Variants in CRACR2A observed in about 807,000 individuals in gnomAD.
CRACR2A encodes the protein EF-hand calcium-binding domain-containing protein 4B.
CRACR2A carries 79 observed loss-of-function variants against 90.5 expected under a neutral mutation model. The observed-to-expected ratio is 0.87, with a 90% CI of 0.73 to 1.05. The LOEUF is 1.05. CRACR2A is among the 50% of genes least tolerant of loss of function. The pLI, the probability that CRACR2A is intolerant of heterozygous loss-of-function variation, is 0.00. For synonymous variants in CRACR2A, 338 were observed against 356.7 expected, an observed-to-expected ratio of 0.95 and a Z score of 0.59; for missense variants, 823 against 897.2, an observed-to-expected ratio of 0.92 and a Z score of 1.06.
At chr12:3,659,715 T>G in intron 7 of CRACR2A, 61 bp from the exon 8 acceptor site, 3 of 1,374,022 alleles carry the variant, frequency 2.2e-6, no homozygotes, top group Non-Finnish European at 3.1e-6. Flanking sequence ...CGGTAGCTCC[T>G]GGAGCTCAGA....
chr12:3,744,962 A>G (rs1214236046), intron 1 of CRACR2A, among the ~76,000 whole-genome samples: 1 of 152,220 alleles, frequency 6.6e-6, no homozygotes, highest in African/African-American at 2.4e-5. Flanking sequence ...TTTTATCACA[A>G]TGAAACAGTG....
At chr12:3,702,872 C>A (rs1945854426) in intron 3 of CRACR2A, among the ~76,000 whole-genome samples, 1 of 152,112 alleles carries the variant, frequency 6.6e-6, no homozygotes, top group Admixed American at 6.5e-5. Flanking sequence ...ACAAACACTA[C>A]CTGATTTCAA....
chr12:3,741,393 T>G (rs1591725117), intron 1 of CRACR2A, among the ~76,000 whole-genome samples: 1 of 152,374 alleles, frequency 6.6e-6, no homozygotes, highest in Non-Finnish European at 1.5e-5. Flanking sequence ...TAAATGGATC[T>G]ATTATAATGA....
rs536658687 is a variant in CRACR2A, at chr12:3,671,315, G to C, written c.671+2131C>G. On this transcript the variant is annotated intron_variant, in intron 7 of 19. Coordinates refer to ENST00000440314, the MANE Select transcript of CRACR2A (RefSeq NM_001144958.2). ...TTGCTGAGGCTCCTCCAGGTGATCA[G>C]TGCTGGGGTCAGAGAGGAGAAAGGG... 4.6e-5 allele frequency among the ~76,000 whole-genome samples: 7 copies of C among 152,300 alleles called. No individual in the cohort carries two copies. The South Asian group carries it at 1.2e-3, about 27-fold the overall frequency.
At chr12:3,680,371 C>T in intron 4 of CRACR2A, 22 bp from the exon 5 acceptor site, 2 of 1,587,800 alleles carry the variant, frequency 1.3e-6, no homozygotes, top group South Asian at 1.1e-5. Context: ...CCAGAGTGTA[C>T]TGGTTAACAC....
At chr12:3,623,920 T>C (rs899174738) in intron 17 of CRACR2A, among the ~76,000 whole-genome samples, 2 of 152,210 alleles carry the variant, frequency 1.3e-5, no homozygotes, top group African/African-American at 2.4e-5. Context: ...TCCACACACA[T>C]TCCTGCTCCG....
intron 1 of CRACR2A, among the ~76,000 whole-genome samples, chr12:3,739,392 C>T (rs777615560): frequency 2.6e-5 from 4 of 152,130 alleles, no homozygotes; most frequent in Non-Finnish European, 5.9e-5. Flanking sequence ...TACGAATGCT[C>T]CCAGCATAGC....
intron 10 of CRACR2A, 104 bp from the exon 11 acceptor site, chr12:3,648,717 G>T: frequency 1.4e-6 from 2 of 1,479,494 alleles, no homozygotes; most frequent in East Asian, 4.8e-5. Context: ...GGGGATGGAG[G>T]GCATTGGAGG....
At chr12:3,695,836 G>A (rs1945729961) in intron 4 of CRACR2A, among the ~76,000 whole-genome samples, 1 of 152,222 alleles carries the variant, frequency 6.6e-6, no homozygotes, top group South Asian at 2.1e-4. Flanking sequence ...ATGTTCAAGT[G>A]AAATCTTGAC....
chr12:3,699,188 A>G (rs753934415), intron 3 of CRACR2A, among the ~76,000 whole-genome samples: 3 of 152,206 alleles, frequency 2.0e-5, no homozygotes, highest in African/African-American at 4.8e-5. Context: ...TGCCTTCCTG[A>G]GACCCAGTTG....
At chr12:3,684,907 G>A (rs909455997) in intron 4 of CRACR2A, among the ~76,000 whole-genome samples, 2 of 152,204 alleles carry the variant, frequency 1.3e-5, no homozygotes, top group Admixed American at 1.3e-4. Context: ...AAGGGAGAGC[G>A]GGCCACGCAG....
At chr12:3,660,263 AC>A (rs984646695) in intron 7 of CRACR2A, among the ~76,000 whole-genome samples, 3 of 151,304 alleles carry the variant, frequency 2.0e-5, no homozygotes, top group African/African-American at 7.3e-5. Context: ...GAGCTACCAC[AC>A]CCCCCACCAC....
intron 15 of CRACR2A, among the ~76,000 whole-genome samples, chr12:3,628,031 C>G (rs1239063700): frequency 7.2e-6 from 1 of 138,962 alleles, no homozygotes; most frequent in African/African-American, 2.7e-5. Flanking sequence ...CTCTCCTTCC[C>G]TCCCTCTCTC....
At position 3,746,488 on chromosome 12, in the gene CRACR2A, C is replaced by T. The variant is rs886708893; in HGVS notation, c.-387+6527G>A. ...GAGGACACAAAAAGAAAGTGGCTTTCTGCAAGCCAAGGAGAGAACCTTCAC... is the reference window on the plus strand; with the variant it reads ...GAGGACACAAAAAGAAAGTGGCTTTTTGCAAGCCAAGGAGAGAACCTTCAC... On this transcript the variant is annotated intron_variant, in intron 1 of 19. Transcript: ENST00000440314. The surrounding 1 kb of genome is among the most constrained non-coding windows in gnomAD (Gnocchi z 4.4). Among the ~76,000 whole-genome samples the T allele has an allele frequency of 6.6e-6, 1 of 151,982 alleles. No individual in the cohort carries two copies. The highest frequency in any genetic ancestry group is 1.9e-4 in the East Asian group (1 of 5,160).
At chr12:3,631,548 A>C (rs1012247405) in intron 15 of CRACR2A, among the ~76,000 whole-genome samples, 4 of 152,160 alleles carry the variant, frequency 2.6e-5, no homozygotes, top group African/African-American at 7.2e-5. Context: ...CACGCTCAGC[A>C]CACTCCCAGC....
Position 3,654,308 on chromosome 12 carries a change from C to G in CRACR2A, c.950G>C (p.Arg317Pro). 2 of 1,613,910 alleles carry G rather than the reference C, an allele frequency of 1.2e-6. No individual in the cohort carries two copies. The highest frequency in any genetic ancestry group is 1.7e-6 in the Non-Finnish European group (2 of 1,179,950). Residue 317 changes from arginine (R) to proline (P), a missense_variant, in exon 10 of 20, where the codon CGG (arginine) becomes CCG (proline). Physicochemically the swap from Arg to Pro is moderately radical, Grantham distance 103. Transcript: ENST00000440314. ...CTCCCAGGAAGTCCGCTCCAGCTCCCGGGCCAGCTCCTGGTTAGTGAGTTT... is the reference window on the plus strand; with the variant it reads ...CTCCCAGGAAGTCCGCTCCAGCTCCGGGGCCAGCTCCTGGTTAGTGAGTTT... ...KLKLTNQELA[R>P]ELERTSWELQ...
At chr12:3,629,665 C>T (rs1944342949) in intron 15 of CRACR2A, among the ~76,000 whole-genome samples, 1 of 152,174 alleles carries the variant, frequency 6.6e-6, no homozygotes, top group African/African-American at 2.4e-5. Flanking sequence ...AGGCAGCTGC[C>T]TCTGGCAGGG....
chr12:3,723,655 G>A (rs766597014), intron 2 of CRACR2A, among the ~76,000 whole-genome samples: 1 of 152,002 alleles, frequency 6.6e-6, no homozygotes, highest in Non-Finnish European at 1.5e-5. Flanking sequence ...CACATCTCAC[G>A]TTAAGAGGCC....
chr12:3,704,925 G>A (rs1945892708), intron 3 of CRACR2A, among the ~76,000 whole-genome samples: 1 of 152,196 alleles, frequency 6.6e-6, no homozygotes, highest in Admixed American at 6.6e-5. Flanking sequence ...AGCGTCTGTG[G>A]CTTTCTCAAG....
Sources: gnomAD v4.1 joint callset for allele counts (sites outside exome capture counted in the v4.1 genomes callset) on GRCh38, gnomAD v4.1.1 for gene constraint, Gnocchi (gnomAD v3.1) non-coding constraint, MANE v1.5 for transcripts, NCBI Gene and HGNC (gene_info 2026-07-23, HGNC 2026-07-21) for gene names.